The following OSBPL10 variants were observed in gnomAD, a reference collection of about 807,000 sequenced individuals.
OSBPL10 encodes the protein oxysterol-binding protein-related protein 10.
A neutral mutation model predicts 81.7 loss-of-function variants in OSBPL10; 49 were observed. That is an observed-to-expected ratio of 0.60 (90% CI 0.48 to 0.76). The LOEUF is 0.76. Ranked by LOEUF, OSBPL10 falls within the 30% of genes least tolerant of loss-of-function variation. The pLI is 0.00. For missense variants in OSBPL10, 923 were observed against 987.8 expected (o/e 0.93, Z 0.88); for synonymous variants, 419 against 383.6 (o/e 1.09, Z -1.08).
chr3:32,030,114 T>C (rs35872376), intron 2 of OSBPL10: 304 of 194,110 alleles, frequency 1.6e-3, no homozygotes, highest in Non-Finnish European at 2.5e-3. Flanking sequence ...TTATGATATC[T>C]AAATTTTCTT....
At position 31,971,129 on chromosome 3, in the gene OSBPL10, TTTC is replaced by T. The variant is rs1278121557; in HGVS notation, c.281+9767_281+9769del. Among the ~76,000 whole-genome samples the T allele has an allele frequency of 3.0e-5, 4 of 131,292 alleles. No homozygotes were observed. The Admixed American group carries it at 3.1e-4, about 10-fold the overall frequency. The allele number at this position is 131,292 out of a possible 152,430, so 86.1% of individuals were successfully genotyped here. ...AGTTGGTTTTTTTTTTCTGTTTTTT[TTTC>T]TTTTTTCTTTTTTTTTTTTTTTTTT... is the stretch of plus-strand genomic sequence containing the variant. On this transcript the variant is annotated intron_variant, in intron 1 of 11. Transcript: ENST00000396556.
intron 3 of OSBPL10, among the ~76,000 whole-genome samples, chr3:31,863,588 C>T (rs1375551307): frequency 6.6e-6 from 1 of 152,138 alleles, no homozygotes; most frequent in East Asian, 1.9e-4. Flanking sequence ...GAGAAATACA[C>T]AAGATAATCC....
chr3:31,930,780 C>T (rs1483878583), intron 1 of OSBPL10, among the ~76,000 whole-genome samples: 4 of 151,670 alleles, frequency 2.6e-5, no homozygotes, highest in African/African-American at 4.8e-5. Context: ...TTTGGGAGGC[C>T]GAGGCGGGTA....
At position 31,878,813 on chromosome 3, in the gene OSBPL10, CCA is replaced by C. The variant is rs1701546259; in HGVS notation, c.457+840_457+841del. 5.5e-5 allele frequency among the ~76,000 whole-genome samples: 4 copies of C among 72,422 alleles called. No homozygotes were observed. In the South Asian group the frequency reaches 2.8e-3, roughly 50 times the overall value. The allele number at this position is 72,422 out of a possible 152,430, so 47.5% of individuals were successfully genotyped here. On this transcript the variant is annotated intron_variant, in intron 2 of 11. Transcript: ENST00000396556. ...GATAAATAATATAGACTCTGCGTGTCCATGTGTGTGTGTGTGTGTGTGTGTGT... is the reference window on the plus strand; with the variant it reads ...GATAAATAATATAGACTCTGCGTGTCTGTGTGTGTGTGTGTGTGTGTGTGT...
chr3:31,720,228 T>C (rs1467297260), intron 6 of OSBPL10, among the ~76,000 whole-genome samples: 19 of 152,054 alleles, frequency 1.2e-4, no homozygotes, highest in Admixed American at 1.2e-3. Context: ...TTATGCTGTT[T>C]TACAATAATT....
intron 4 of OSBPL10, among the ~76,000 whole-genome samples, chr3:31,754,287 T>C (rs1489209289): frequency 8.5e-5 from 13 of 152,162 alleles, no homozygotes; most frequent in African/African-American, 3.1e-4. Flanking sequence ...CTGTTAAGCC[T>C]GTTTTAGTGA....
chr3:31,903,529 C>T (rs185215454), intron 1 of OSBPL10, among the ~76,000 whole-genome samples: 1 of 152,254 alleles, frequency 6.6e-6, no homozygotes, highest in East Asian at 1.9e-4. Flanking sequence ...CAGGGTTCCA[C>T]TATGTTACCC....
intron 1 of OSBPL10, among the ~76,000 whole-genome samples, chr3:31,979,605 T>A (rs1444898291): frequency 6.6e-6 from 1 of 152,162 alleles, no homozygotes; most frequent in Non-Finnish European, 1.5e-5. Flanking sequence ...CTGGAGACTG[T>A]TAAATAGGCA....
At position 31,881,862 on chromosome 3, in the gene OSBPL10, T is replaced by C. The variant is rs371543528; in HGVS notation, c.282-2032A>G. Among the ~76,000 whole-genome samples the C allele has an allele frequency of 6.2e-4, 95 of 152,316 alleles. 4 individuals are homozygous for C. The Middle Eastern group carries it at 0.017, about 27-fold the overall frequency. ...TCTCACAATAACCCAACAGAATAGA[T>C]GTTATCCCCACATTATACGTATCCT... On this transcript the variant is annotated intron_variant, in intron 1 of 11. Transcript: ENST00000396556.
At chr3:31,835,053 T>C (rs985788186) in intron 3 of OSBPL10, among the ~76,000 whole-genome samples, 1 of 152,172 alleles carries the variant, frequency 6.6e-6, no homozygotes, top group Non-Finnish European at 1.5e-5. Flanking sequence ...TCAAGCCTCA[T>C]TATAGGGGAA....
chr3:32,047,765 C>A (rs1232995698), intron 1 of OSBPL10, among the ~76,000 whole-genome samples: 2 of 151,878 alleles, frequency 1.3e-5, no homozygotes, highest in East Asian at 3.9e-4. Flanking sequence ...CGGGTTCACA[C>A]CATTCTCCTG....
chr3:31,781,351 C>CTA (rs1205370028), intron 4 of OSBPL10, among the ~76,000 whole-genome samples: 1 of 152,126 alleles, frequency 6.6e-6, no homozygotes, highest in Non-Finnish European at 1.5e-5. Context: ...CCACAGTCAA[C>CTA]ATTACACTAA....
intron 5 of OSBPL10, among the ~76,000 whole-genome samples, chr3:31,740,590 C>A (rs1217945910): frequency 1.3e-5 from 2 of 151,390 alleles, no homozygotes; most frequent in Non-Finnish European, 2.9e-5. Flanking sequence ...TTGAGGACTA[C>A]CAAAAAAAAT....
At chr3:31,739,118 A>G (rs1359688331) in intron 5 of OSBPL10, among the ~76,000 whole-genome samples, 1 of 152,032 alleles carries the variant, frequency 6.6e-6, no homozygotes, top group Non-Finnish European at 1.5e-5. Flanking sequence ...AGTGCTATTC[A>G]CAGGTGTGAT....
At chr3:31,833,680 G>A (rs141204739) in intron 3 of OSBPL10, among the ~76,000 whole-genome samples, 25 of 147,296 alleles carry the variant, frequency 1.7e-4, no homozygotes, top group African/African-American at 5.3e-4. Flanking sequence ...TATCAAGATT[G>A]TAGGGAAAAC....
chr3:31,814,658 G>A (rs949237773), intron 4 of OSBPL10, among the ~76,000 whole-genome samples: 1 of 152,174 alleles, frequency 6.6e-6, no homozygotes, highest in East Asian at 1.9e-4. Flanking sequence ...GTTTCTGGAA[G>A]GAACCAACTT....
At chr3:31,827,515 A>G (rs549189894) in intron 4 of OSBPL10, among the ~76,000 whole-genome samples, 44 of 152,210 alleles carry the variant, frequency 2.9e-4, no homozygotes, top group Non-Finnish European at 5.3e-4. Context: ...GGATGCCTGT[A>G]GTCTCAGCTA....
intron 1 of OSBPL10, among the ~76,000 whole-genome samples, chr3:31,922,233 T>C (rs1318455839): frequency 6.6e-6 from 1 of 152,248 alleles, no homozygotes; most frequent in African/African-American, 2.4e-5. Context: ...TTATTAATGG[T>C]AATGTAACCA....
chr3:31,871,409 A>G (rs1701323350), intron 3 of OSBPL10, among the ~76,000 whole-genome samples: 1 of 152,130 alleles, frequency 6.6e-6, no homozygotes, highest in South Asian at 2.1e-4. Context: ...ACATCCAAAC[A>G]TCAGAAGGAA....
Sources: gnomAD v4.1 joint callset for allele counts (sites outside exome capture counted in the v4.1 genomes callset) on GRCh38, gnomAD v4.1.1 for gene constraint, MANE v1.5 for transcripts, NCBI Gene and HGNC (gene_info 2026-07-23, HGNC 2026-07-21) for gene names.